Variants in NLGN1 observed in about 807,000 individuals in gnomAD.
The protein encoded by NLGN1 is neuroligin 1.
NLGN1 carries 12 observed loss-of-function variants against 65.5 expected under a neutral mutation model. That is an observed-to-expected ratio of 0.18 (90% CI 0.12 to 0.30). The LOEUF (loss-of-function observed/expected upper bound fraction) is 0.30, where lower values mean the gene tolerates loss of function less well. NLGN1 is among the 10% of genes least tolerant of loss of function. NLGN1 has a pLI of 1.00. For synonymous variants in NLGN1, 350 were observed against 359.5 expected (o/e 0.97, Z 0.30); for missense variants, 750 against 1,007.1 (o/e 0.74, Z 3.46).
intron 2 of NLGN1, among the ~76,000 whole-genome samples, chr3:173,572,404 A>C (rs1401402150): frequency 6.6e-6 from 1 of 152,240 alleles, no homozygotes; most frequent in Non-Finnish European, 1.5e-5. Flanking sequence ...CAGTGTGAAA[A>C]ATAGATTGGA....
intron 3 of NLGN1, among the ~76,000 whole-genome samples, chr3:173,699,933 T>G (rs1242435756): frequency 1.3e-5 from 2 of 152,210 alleles, no homozygotes; most frequent in African/African-American, 4.8e-5. Context: ...AGAGGTACTA[T>G]TTAGTGCACT....
chr3:173,768,414 A>G (rs1175418768), intron 3 of NLGN1, among the ~76,000 whole-genome samples: 1 of 152,128 alleles, frequency 6.6e-6, no homozygotes, highest in Non-Finnish European at 1.5e-5. Context: ...TAATAAATCA[A>G]TAGCCCTCTC....
intron 3 of NLGN1, among the ~76,000 whole-genome samples, chr3:173,676,824 A>G (rs1763237554): frequency 6.6e-6 from 1 of 152,122 alleles, no homozygotes; most frequent in South Asian, 2.1e-4. Flanking sequence ...TTCTGATAAG[A>G]CATTGAGTCC....
At chr3:174,271,003 T>C (rs1577721700) in intron 4 of NLGN1, among the ~76,000 whole-genome samples, 1 of 151,890 alleles carries the variant, frequency 6.6e-6, no homozygotes, top group East Asian at 1.9e-4. Context: ...CTCAGTATGG[T>C]CTCTATTTTG....
At chr3:173,945,423 A>G (rs965865228) in intron 4 of NLGN1, among the ~76,000 whole-genome samples, 7 of 152,054 alleles carry the variant, frequency 4.6e-5, no homozygotes, top group African/African-American at 1.7e-4. Flanking sequence ...GTTTGGGAAT[A>G]AAGGCTTTTC....
chr3:173,816,405 G>A (rs1441222213), intron 4 of NLGN1, among the ~76,000 whole-genome samples: 2 of 152,192 alleles, frequency 1.3e-5, no homozygotes, highest in African/African-American at 4.8e-5. Context: ...AGCATTCAGT[G>A]GTGGAACCAG....
rs139692256 is a variant in NLGN1, at chr3:173,525,191, A to G, written c.-320-79088A>G. Among the ~76,000 whole-genome samples, 1,021 of 152,202 alleles carry G rather than the reference A, an allele frequency of 6.7e-3. 18 individuals carry two copies. Among genetic ancestry groups the G allele is most frequent in the African/African-American group, 0.023 (966 of 41,532 alleles). On this transcript the variant is annotated intron_variant, in intron 2 of 6. Coordinates refer to ENST00000457714, the Ensembl canonical transcript of NLGN1. ...GGTACCAGCTCCTTTTATGTCTGGT[A>G]GAGTTTGGCTGTGAATCTGTCTGGT...
intron 2 of NLGN1, among the ~76,000 whole-genome samples, chr3:173,489,189 C>A (rs1024432994): frequency 1.3e-5 from 2 of 151,926 alleles, no homozygotes; most frequent in African/African-American, 4.8e-5. Context: ...CACCAATTAA[C>A]TCATCATTTA....
intron 4 of NLGN1, among the ~76,000 whole-genome samples, chr3:174,264,959 G>A (rs1382931361): frequency 1.3e-5 from 2 of 152,176 alleles, no homozygotes; most frequent in East Asian, 1.9e-4. Flanking sequence ...GTGTCAGTGT[G>A]CCCCTGCTGG....
chr3:173,650,677 A>T (rs574665426), intron 3 of NLGN1, among the ~76,000 whole-genome samples: 2 of 152,318 alleles, frequency 1.3e-5, no homozygotes, highest in East Asian at 3.9e-4. Flanking sequence ...TTGTGAAATA[A>T]GTATTCAGTT....
intron 4 of NLGN1, among the ~76,000 whole-genome samples, chr3:174,176,236 G>T (rs998536835): frequency 6.6e-6 from 1 of 151,748 alleles, no homozygotes; most frequent in Non-Finnish European, 1.5e-5. Context: ...ACCTAATTTA[G>T]ATCTAATGAA....
chr3:173,913,580 A>T (rs571069121), intron 4 of NLGN1, among the ~76,000 whole-genome samples: 1 of 152,256 alleles, frequency 6.6e-6, no homozygotes, highest in East Asian at 1.9e-4. Flanking sequence ...CTCTCAGTGA[A>T]TGCTGACATG....
chr3:174,165,301 T>G (rs1727292911), intron 4 of NLGN1, among the ~76,000 whole-genome samples: 1 of 151,976 alleles, frequency 6.6e-6, no homozygotes, highest in African/African-American at 2.4e-5. Flanking sequence ...ATGCTTTCAG[T>G]TTTTTGCCCA....
chr3:174,179,977 C>T (rs2152745121), intron 4 of NLGN1, among the ~76,000 whole-genome samples: 1 of 152,180 alleles, frequency 6.6e-6, no homozygotes, highest in Non-Finnish European at 1.5e-5. Flanking sequence ...CTTTGCAAAA[C>T]AGTGATAGAA....
intron 3 of NLGN1, among the ~76,000 whole-genome samples, chr3:173,699,695 AATTAT>A (rs1374198441): frequency 6.6e-6 from 1 of 152,210 alleles, no homozygotes; most frequent in African/African-American, 2.4e-5. Context: ...TGAAAATGGG[AATTAT>A]AAAATCCAGA....
chr3:173,904,755 A>G (rs978877131), intron 4 of NLGN1, among the ~76,000 whole-genome samples: 7 of 152,184 alleles, frequency 4.6e-5, no homozygotes, highest in Non-Finnish European at 8.8e-5. Context: ...GTTTGCATTT[A>G]TGATTCTGCT....
At chr3:173,649,019 G>A (rs1430583850) in intron 3 of NLGN1, among the ~76,000 whole-genome samples, 1 of 152,116 alleles carries the variant, frequency 6.6e-6, no homozygotes, top group Non-Finnish European at 1.5e-5. Context: ...ATATTCATCA[G>A]CAGATGAACA....
intron 2 of NLGN1, among the ~76,000 whole-genome samples, chr3:173,530,747 CTTTTG>C (rs1736432297): frequency 6.6e-6 from 1 of 152,204 alleles, no homozygotes; most frequent in East Asian, 1.9e-4. Context: ...AATGCCTGCT[CTTTTG>C]TTTTAATTCT....
At chr3:173,555,270 C>T (rs916898751) in intron 2 of NLGN1, among the ~76,000 whole-genome samples, 3 of 152,094 alleles carry the variant, frequency 2.0e-5, no homozygotes, top group African/African-American at 7.2e-5. Flanking sequence ...TGACTTCTGT[C>T]CTTTAACTGG....
Sources: gnomAD v4.1 joint callset for allele counts (sites outside exome capture counted in the v4.1 genomes callset) on GRCh38, gnomAD v4.1.1 for gene constraint, MANE v1.5 for transcripts, NCBI Gene and HGNC (gene_info 2026-07-23, HGNC 2026-07-21) for gene names.